Variants in NDUFS8 observed in about 807,000 individuals in gnomAD.
NDUFS8 encodes NADH dehydrogenase [ubiquinone] iron-sulfur protein 8, mitochondrial.
In NDUFS8, 13 loss-of-function variants were observed where a neutral mutation model predicts 25.6. The observed-to-expected ratio is 0.51, with a 90% CI of 0.33 to 0.81. The LOEUF is 0.81. NDUFS8 is among the 30% of genes least tolerant of loss of function. The pLI is 0.02. For missense variants in NDUFS8, 257 were observed against 300.9 expected, an observed-to-expected ratio of 0.85 and a Z score of 1.08; for synonymous variants, 119 against 119.4, an observed-to-expected ratio of 1.00 and a Z score of 0.02.
At chr11:68,031,128 A>T in intron 1 of NDUFS8, 4 of 275,656 alleles carry the variant, frequency 1.5e-5, no homozygotes, top group South Asian at 1.1e-4. Context: ...CCCAAGACCA[A>T]CCGCCCCCAA....
At position 68,036,542 on chromosome 11, in the gene NDUFS8, G is replaced by A. The variant is rs1854896119; in HGVS notation, c.582G>A (p.Lys194=). 2 of 1,614,140 alleles carry A rather than the reference G, an allele frequency of 1.2e-6. No homozygotes were observed. Among genetic ancestry groups the A allele is most frequent in the Non-Finnish European group, 1.7e-6 (2 of 1,180,024 alleles). The part of the protein sequence containing the change: ...NKEKLLNNGD[K]WEAEIAANIQ... ...AGAAGTTGCTCAACAACGGGGACAA[G>A]TGGGAGGCCGAGATCGCCGCCAACA... is the stretch of plus-strand genomic sequence containing the variant. Residue 194 remains lysine (K), a synonymous_variant, in exon 7 of 7, where the codon AAG becomes AAA. Coordinates refer to ENST00000313468, the MANE Select transcript of NDUFS8 (RefSeq NM_002496.4).
At chr11:68,031,843 G>C (rs986469143) in intron 1 of NDUFS8, 21 of 492,248 alleles carry the variant, frequency 4.3e-5, no homozygotes, top group Admixed American at 6.5e-5. Context: ...GGAGGATGAA[G>C]GGAGGAGCAG....
chr11:68,032,759 C>A, intron 3 of NDUFS8, 164 bp from the exon 4 acceptor site: 1 of 854,116 alleles, frequency 1.2e-6, no homozygotes, highest in Non-Finnish European at 1.9e-6. Flanking sequence ...CAGAGGCGGC[C>A]TCCAGGGTCC....
chr11:68,033,405 C>A (rs1225670835), intron 5 of NDUFS8, 122 bp downstream of exon 5: 12 of 1,160,768 alleles, frequency 1.0e-5, no homozygotes, highest in Non-Finnish European at 1.5e-5. Context: ...TCCCTTTCCC[C>A]CTCTGAGCCA....
At chr11:68,030,863 C>T (rs1008845829) in intron 1 of NDUFS8, 130 bp downstream of exon 1, 7 of 428,018 alleles carry the variant, frequency 1.6e-5, no homozygotes, top group African/African-American at 1.1e-4. Context: ...GATCCGCGGC[C>T]TCCGTGTCCT....
intron 1 of NDUFS8, chr11:68,031,089 G>A (rs927786034): frequency 9.9e-5 from 28 of 283,608 alleles, no homozygotes; most frequent in Middle Eastern, 1.0e-3. Flanking sequence ...GCTCTGGGGT[G>A]CCCTTGGCAT....
chr11:68,033,489 C>A, intron 5 of NDUFS8: 1 of 708,984 alleles, frequency 1.4e-6, no homozygotes, highest in Non-Finnish European at 2.4e-6. Flanking sequence ...AGTGAAGCTT[C>A]CAGCCCTGGG....
rs56359843 is a variant in NDUFS8, at chr11:68,036,017, C to CAA, written c.373-212_373-211dup. 2,734 of 371,194 alleles carry CAA rather than the reference C, an allele frequency of 7.4e-3. 16 individuals are homozygous for CAA. The highest frequency in any genetic ancestry group is 0.021 in the African/African-American group (664 of 31,470). 23.0% of individuals were successfully genotyped at this position (371,194 alleles called of 1,614,324 possible). ...CTGGCGACAGAGCGAGACTCTATCT[C>CAA]AAAAAAAAAAAAAAAAAAAAAAAAA... On this transcript the variant is annotated intron_variant, in intron 5 of 6. Coordinates refer to ENST00000313468, the MANE Select transcript of NDUFS8 (RefSeq NM_002496.4).
In NDUFS8 at chr11:68,033,287, A is replaced by T. The variant is rs1854809553; in HGVS notation, c.372+4A>T. 6.2e-7 allele frequency: 1 copy of T among 1,600,918 alleles called. No individual in the cohort carries two copies. Among genetic ancestry groups the T allele is most frequent in the East Asian group, 2.2e-5 (1 of 44,586 alleles). On this transcript the variant is annotated splice_donor_region_variant and intron_variant, in intron 5 of 6. Coordinates refer to ENST00000313468, the MANE Select transcript of NDUFS8 (RefSeq NM_002496.4). ...CGAGGCCATCTGCCCCGCCCAGGTG[A>T]GCCCCTGCCCCAACCGGCCACCACG...
At chr11:68,032,647 C>A in intron 3 of NDUFS8, 2 of 961,352 alleles carry the variant, frequency 2.1e-6, no homozygotes, top group Non-Finnish European at 3.0e-6. Context: ...CCCCCACCTA[C>A]CCCCCTTGAT....
rs1431147683 is a variant in NDUFS8, at chr11:68,036,446, G to A, written c.502-16G>A. The A allele has an allele frequency of 6.2e-7, 1 of 1,613,958 alleles. No homozygotes were observed. The highest frequency in any genetic ancestry group is 2.2e-5 in the East Asian group (1 of 44,874). ...TCAGCAGGGCCTAACCACCGTCCCT[G>A]CACCTCAACCTGCAGGGCCCCAACT... is the stretch of plus-strand genomic sequence containing the variant. On this transcript the variant is annotated splice_polypyrimidine_tract_variant and intron_variant, in intron 6 of 6. Transcript: ENST00000313468.
At chr11:68,032,122 C>T in intron 1 of NDUFS8, 30 bp from the exon 2 acceptor site, 2 of 1,611,752 alleles carry the variant, frequency 1.2e-6, no homozygotes, top group Non-Finnish European at 1.7e-6. Context: ...TTGGGCACAC[C>T]CCACCCTCCA....
chr11:68,033,843 C>T (rs1277011740), intron 5 of NDUFS8: 3 of 177,494 alleles, frequency 1.7e-5, no homozygotes, highest in African/African-American at 4.7e-5. Flanking sequence ...ACAGCAACCC[C>T]TCCCAGTGTT....
At position 68,033,247 on chromosome 11, in the gene NDUFS8, T is replaced by G. The variant is rs1008250548; in HGVS notation, c.336T>G (p.Ile112Met). 9 of 1,610,492 alleles carry G rather than the reference T, an allele frequency of 5.6e-6. No individual in the cohort carries two copies. The highest frequency in any genetic ancestry group is 7.6e-6 in the Non-Finnish European group (9 of 1,179,222). The change falls in exon 5 of 7, where the codon ATT becomes ATG. Residue 112 changes from isoleucine (I) to methionine (M), a missense_variant. Ile to Met is a conservative substitution (Grantham distance 10). Coordinates refer to ENST00000313468, the MANE Select transcript of NDUFS8 (RefSeq NM_002496.4). ...ACCCATCCGGGGAGGAGCGTTGCATTGCCTGCAAGCTCTGCGAGGCCATCT... is the reference window on the plus strand; with the variant it reads ...ACCCATCCGGGGAGGAGCGTTGCATGGCCTGCAAGCTCTGCGAGGCCATCT... ...RRYPSGEERC[I>M]ACKLCEAICP...
chr11:68,033,053 G>A, intron 4 of NDUFS8, 41 bp downstream of exon 4: 2 of 1,613,304 alleles, frequency 1.2e-6, no homozygotes, highest in Non-Finnish European at 1.7e-6. Flanking sequence ...GTGCCGGGTG[G>A]GCACGGATGC....
intron 5 of NDUFS8, 166 bp from the exon 6 acceptor site, chr11:68,036,087 G>A (rs1854883440): frequency 1.9e-6 from 2 of 1,075,500 alleles, no homozygotes; most frequent in East Asian, 2.6e-5. Flanking sequence ...GAGGAGACAG[G>A]CGCGAGCACC....
At chr11:68,030,955 T>C in intron 1 of NDUFS8, 2 of 440,246 alleles carry the variant, frequency 4.5e-6, no homozygotes, top group African/African-American at 2.0e-5. Context: ...CGGAGATCAC[T>C]GGGAAGGTGG....
In NDUFS8 at chr11:68,033,301, C is replaced by A. The variant is rs1204936625; in HGVS notation, c.372+18C>A. On this transcript the variant is annotated intron_variant, in intron 5 of 6. Coordinates refer to ENST00000313468, the MANE Select transcript of NDUFS8 (RefSeq NM_002496.4). ...CCGCCCAGGTGAGCCCCTGCCCCAA[C>A]CGGCCACCACGCCAGCCCCTGCCAC... 1 of 1,594,354 alleles carries A rather than the reference C, an allele frequency of 6.3e-7. No homozygotes were observed. Among genetic ancestry groups the A allele is most frequent in the South Asian group, 1.1e-5 (1 of 89,392 alleles).
Position 68,036,397 on chromosome 11 carries a change from G to A in NDUFS8, c.501+16G>A, listed in dbSNP as rs551875595. ...CATCGTCGAGGCACGTGAGGCCCCC[G>A]GGTGGGAGGGGGCCTGAGGCTCCTC... On this transcript the variant is annotated intron_variant, in intron 6 of 6. Coordinates refer to ENST00000313468, the MANE Select transcript of NDUFS8 (RefSeq NM_002496.4). The A allele has an allele frequency of 3.5e-5, 57 of 1,613,692 alleles. No individual in the cohort carries two copies. Among genetic ancestry groups the A allele is most frequent in the African/African-American group, 9.3e-5 (7 of 75,042 alleles).
Sources: gnomAD v4.1 joint callset for allele counts on GRCh38, gnomAD v4.1.1 for gene constraint, MANE v1.5 for transcripts, NCBI Gene and HGNC (gene_info 2026-07-23, HGNC 2026-07-21) for gene names.